Variants in WDR90 observed in about 807,000 individuals in gnomAD.
WDR90 encodes the protein WD repeat-containing protein 90.
A neutral mutation model predicts 195.2 loss-of-function variants in WDR90; 238 were observed. That is an observed-to-expected ratio of 1.22 (90% CI 1.10 to 1.36). The LOEUF (loss-of-function observed/expected upper bound fraction) is 1.36. Among genes scored for constraint, WDR90 ranks in the 40% most tolerant of loss-of-function variants. The pLI is 0.00. For synonymous variants in WDR90, 1,265 were observed against 1,052.4 expected (o/e 1.20, Z -3.91); for missense variants, 2,734 against 2,439.5 (o/e 1.12, Z -2.54).
At position 651,976 on chromosome 16, in the gene WDR90, C is replaced by T. The variant is rs375324987; in HGVS notation, c.990C>T (p.Ala330=). ...LEASDIHTAA[A]GTHVLTHESA... ...CCTCTGACATCCACACGGCTGCTGC[C>T]GGCACCCACGTGTTGACTCACGAGT... The change falls in exon 9 of 41, where the codon GCC becomes GCT. Residue 330 remains alanine (A), a synonymous_variant. Transcript: ENST00000293879. The T allele has an allele frequency of 6.3e-5, 102 of 1,606,738 alleles. No homozygotes were observed. In the African/African-American group the frequency reaches 1.0e-3, roughly 16 times the overall value.
intron 19 of WDR90, 24 bp from the exon 20 acceptor site, chr16:657,067 G>GCA (rs1334182967): frequency 6.3e-7 from 1 of 1,594,730 alleles, no homozygotes; most frequent in Admixed American, 1.7e-5. Flanking sequence ...GCTAGGGCCA[G>GCA]CGGGGTCCCT....
rs1421792692 is a variant in WDR90 at position 650,695 on chromosome 16, T to C, written c.545T>C (p.Leu182Pro). ...LLVRNLYTSD[L>P]CFEPAISGAQ... Reference sequence around the variant, plus strand: ...GTCAGGAACCTGTACACCAGTGACCTGTGCTTTGAGCCTGGTGAGGGCCGC... The same window carrying C: ...GTCAGGAACCTGTACACCAGTGACCCGTGCTTTGAGCCTGGTGAGGGCCGC... Residue 182 changes from leucine (L) to proline (P), a missense_variant, in exon 5 of 41, where the codon CTG (leucine) becomes CCG (proline). Leu to Pro is a moderately conservative substitution (Grantham distance 98). Transcript: ENST00000293879. 1 of 1,608,766 alleles carries C rather than the reference T, an allele frequency of 6.2e-7. No homozygotes were observed. The highest frequency in any genetic ancestry group is 8.5e-7 in the Non-Finnish European group (1 of 1,176,604).
chr16:650,685 A>G lies in WDR90; in HGVS notation c.535A>G (p.Thr179Ala), dbSNP rs2037627305. Residue 179 changes from threonine (T) to alanine (A), a missense_variant, in exon 5 of 41, where the codon ACC becomes GCC. Thr to Ala is a moderately conservative substitution (Grantham distance 58). Transcript: ENST00000293879. The stretch of plus-strand genomic sequence containing the variant: ...CAGCCTGCTGGTCAGGAACCTGTAC[A>G]CCAGTGACCTGTGCTTTGAGCCTGG... ...CASLLVRNLYTSDLCFEPAIS... is the reference protein window; with the variant it reads ...CASLLVRNLYASDLCFEPAIS... 6.2e-7 allele frequency: 1 copy of G among 1,610,604 alleles called. No individual in the cohort carries two copies. The highest frequency in any genetic ancestry group is 1.3e-5 in the African/African-American group (1 of 74,844).
chr16:655,771 A>C lies in WDR90; in HGVS notation c.1850-2A>C. ...GAGGCACTGACGCCTCCCTGCCCCC[A>C]GGCCCCGGCATTGCCATCAGCAGCC... On this transcript the variant is annotated splice_acceptor_variant, in intron 16 of 40. Transcript: ENST00000293879. LOFTEE classifies it high-confidence loss of function. 3.8e-6 allele frequency: 6 copies of C among 1,584,758 alleles called. No individual in the cohort carries two copies. Among genetic ancestry groups the C allele is most frequent in the Non-Finnish European group, 5.1e-6 (6 of 1,165,652 alleles).
Position 655,777 on chromosome 16 carries a change from C to T in WDR90, c.1854C>T (p.Pro618=), listed in dbSNP as rs370055567. 3.8e-5 allele frequency: 61 copies of T among 1,586,870 alleles called. No individual in the cohort carries two copies. In the Admixed American group the frequency reaches 5.9e-4, roughly 15 times the overall value. Residue 618 remains proline (P), a synonymous_variant, in exon 17 of 41, where the codon CCC becomes CCT. Transcript: ENST00000293879. ...HPQKQTFSSG[P]GIAISSLSVS... The stretch of plus-strand genomic sequence containing the variant: ...CTGACGCCTCCCTGCCCCCAGGCCC[C>T]GGCATTGCCATCAGCAGCCTCAGCG...
Position 653,547 on chromosome 16 carries a change from G to T in WDR90, c.1256G>T (p.Gly419Val). The change falls in exon 12 of 41, where the codon GGC becomes GTC. Residue 419 changes from glycine to valine, a missense_variant. By Grantham distance (109) the Gly-to-Val change is moderately radical. Transcript: ENST00000293879. ...TAGGTCTCCGCCCTGGCGCTGGATG[G>T]CAGCAGCTCACTATTGGCCTCGGCC... ...TDKVSALALD[G>V]SSSLLASAQA... 1.2e-6 allele frequency: 2 copies of T among 1,613,402 alleles called. No individual in the cohort carries two copies. The highest frequency in any genetic ancestry group is 1.3e-5 in the African/African-American group (1 of 75,062).
In WDR90 at chr16:661,326, G is replaced by C. The variant is rs9932282; in HGVS notation, c.3514-16G>C. 673,430 of 1,582,268 alleles carry C rather than the reference G, an allele frequency of 0.43. 162,724 individuals are homozygous for C. Among genetic ancestry groups the C allele is most frequent in the East Asian group, 0.97 (43,204 of 44,320 alleles). On this transcript the variant is annotated splice_polypyrimidine_tract_variant and intron_variant, in intron 29 of 40. Coordinates refer to ENST00000293879, the MANE Select transcript of WDR90 (RefSeq NM_145294.5). The stretch of plus-strand genomic sequence containing the variant: ...GCCACGGCCTCCCCACTCACGCCTG[G>C]CCTCTTGCCTGCCAGGTCCTGGCCT...
At position 651,834 on chromosome 16, in the gene WDR90, G is replaced by T. The variant is rs201520878; in HGVS notation, c.848G>T (p.Arg283Leu). ...GCACTTGTCCCCCAGCAGTCCGGCCGGGCCGCCTTGGCACCCAGGCCCTTC... is the reference window on the plus strand; with the variant it reads ...GCACTTGTCCCCCAGCAGTCCGGCCTGGCCGCCTTGGCACCCAGGCCCTTC... ...VQTPSPTASG[R>L]AALAPRPFPE... Residue 283 changes from arginine to leucine, a missense_variant, in exon 9 of 41, where the codon CGG (arginine) becomes CTG (leucine). Coordinates refer to ENST00000293879, the MANE Select transcript of WDR90 (RefSeq NM_145294.5). 1.2e-6 allele frequency: 2 copies of T among 1,610,110 alleles called. No homozygotes were observed. Among genetic ancestry groups the T allele is most frequent in the Non-Finnish European group, 8.5e-7 (1 of 1,179,696 alleles).
At chr16:650,765 G>A in intron 5 of WDR90, 56 bp downstream of exon 5, 3 of 1,582,790 alleles carry the variant, frequency 1.9e-6, no homozygotes, top group Non-Finnish European at 2.6e-6. Context: ...CTCAGCCCTG[G>A]AGAGGCCCAA....
chr16:653,002 C>T (rs772426565), intron 10 of WDR90, among the ~76,000 whole-genome samples: 17 of 152,218 alleles, frequency 1.1e-4, no homozygotes, highest in Non-Finnish European at 5.9e-5. Flanking sequence ...TGGGTGCCTG[C>T]TCTGAGTGTT....
At chr16:663,424 A>AGC in intron 34 of WDR90, 9 of 146,240 alleles carry the variant, frequency 6.2e-5, no homozygotes, top group Admixed American at 1.5e-4. Flanking sequence ...GGCGACAGAG[A>AGC]CTCCATCTCA....
chr16:660,763 G>T (rs1406903438), intron 28 of WDR90, 49 bp downstream of exon 28: 1 of 1,519,316 alleles, frequency 6.6e-7, no homozygotes, highest in Non-Finnish European at 8.9e-7. Flanking sequence ...GCGGCCGCGC[G>T]TGGTCCAGCC....
chr16:665,204 G>C lies in WDR90; in HGVS notation c.4312-475G>C, dbSNP rs370444450. On this transcript the variant is annotated intron_variant, in intron 34 of 40. Transcript: ENST00000293879. ...GAGGAGGAATGCGACTGCATGGCGCGCTCGCTGCAACCTCAGTCTGCAGCC... is the reference window on the plus strand; with the variant it reads ...GAGGAGGAATGCGACTGCATGGCGCCCTCGCTGCAACCTCAGTCTGCAGCC... 84 of 312,374 alleles carry C rather than the reference G, an allele frequency of 2.7e-4. 2 individuals are homozygous for C. The highest frequency in any genetic ancestry group is 4.1e-4 in the South Asian group (7 of 16,884). 19.4% of individuals were successfully genotyped at this position (312,374 alleles called of 1,614,324 possible). A position where few individuals can be genotyped will look rare whatever the true frequency, so the allele number is the denominator to read the frequency against.
intron 21 of WDR90, 42 bp downstream of exon 21, chr16:657,934 G>A: frequency 1.3e-6 from 2 of 1,507,426 alleles, no homozygotes; most frequent in Non-Finnish European, 1.8e-6. Context: ...ACTGGGCCAT[G>A]AGAGGCTGGC....
intron 34 of WDR90, among the ~76,000 whole-genome samples, chr16:664,415 A>G (rs1443464064): frequency 6.6e-6 from 1 of 152,126 alleles, no homozygotes; most frequent in Admixed American, 6.5e-5. Flanking sequence ...ATACTGTTCC[A>G]TTGTACGGAT....
intron 34 of WDR90, 32 bp downstream of exon 34, chr16:662,876 G>T (rs765331419): frequency 6.5e-7 from 1 of 1,537,248 alleles, no homozygotes. Flanking sequence ...CAGAGGCGGG[G>T]CAGCCGAACC....
At chr16:659,465 G>C in intron 26 of WDR90, 89 bp downstream of exon 26, 1 of 1,501,520 alleles carries the variant, frequency 6.7e-7, no homozygotes, top group South Asian at 1.2e-5. Context: ...CGCACGTCCA[G>C]CTCTGGGGTG....
Position 656,381 on chromosome 16 carries a change from G to A in WDR90, c.2046G>A (p.Leu682=), listed in dbSNP as rs781415870. 6.2e-6 allele frequency: 10 copies of A among 1,609,138 alleles called. No individual in the cohort carries two copies. Among genetic ancestry groups the A allele is most frequent in the Non-Finnish European group, 8.5e-6 (10 of 1,179,586 alleles). ...RVLSATSSGH[L]GFLDTLSRVY... is the part of the protein sequence containing the mutation. The stretch of plus-strand genomic sequence containing the variant: ...TGTCTGCCACCTCCTCGGGCCACCT[G>A]GGCTTCCTGGACACGCTGTCCCGGG... The change falls in exon 18 of 41, where the codon CTG becomes CTA. Residue 682 remains leucine, a synonymous_variant. Coordinates refer to ENST00000293879, the MANE Select transcript of WDR90 (RefSeq NM_145294.5).
chr16:657,648 C>A, intron 20 of WDR90, 114 bp from the exon 21 acceptor site: 1 of 1,373,058 alleles, frequency 7.3e-7, no homozygotes, highest in African/African-American at 1.5e-5. Context: ...TGCGTCTGTG[C>A]TCCGGGGCTG....
Sources: allele counts gnomAD v4.1 joint callset (sites outside exome capture counted in the v4.1 genomes callset), GRCh38; gene constraint gnomAD v4.1.1; transcripts MANE v1.5; gene names NCBI Gene and HGNC (gene_info 2026-07-23, HGNC 2026-07-21).